The following SENP7 variants were observed in gnomAD, a reference collection of about 807,000 sequenced individuals.
SENP7 encodes sentrin-specific protease 7.
Under a neutral mutation model 141.2 loss-of-function variants are expected in SENP7, and 64 were observed. That is an observed-to-expected ratio of 0.45 (90% CI 0.37 to 0.56). The LOEUF (loss-of-function observed/expected upper bound fraction) is 0.56, where lower values mean the gene tolerates loss of function less well. Ranked by LOEUF, SENP7 falls within the 20% of genes least tolerant of loss-of-function variation. The pLI is 0.00. For synonymous variants in SENP7, 382 were observed against 426.4 expected (o/e 0.90, Z 1.28); for missense variants, 1,025 against 1,212.2 (o/e 0.85, Z 2.29).
chr3:101,498,322 C>T (rs950255370), intron 2 of SENP7, among the ~76,000 whole-genome samples: 2 of 152,120 alleles, frequency 1.3e-5, no homozygotes, highest in Non-Finnish European at 2.9e-5. Flanking sequence ...AGGAAACAGG[C>T]AGATCCCATC....
chr3:101,328,618 CTG>C (rs921214364), intron 21 of SENP7, 26 bp downstream of exon 21: 3 of 1,604,560 alleles, frequency 1.9e-6, no homozygotes, highest in Admixed American at 1.7e-5. Flanking sequence ...CCTCAAAAAA[CTG>C]TATTATTATT....
intron 6 of SENP7, among the ~76,000 whole-genome samples, chr3:101,397,860 T>TACA (rs2061014430): frequency 6.6e-6 from 1 of 152,196 alleles, no homozygotes; most frequent in Admixed American, 6.5e-5. Flanking sequence ...CTTCAGAAGC[T>TACA]TGTAGCAAAT....
chr3:101,499,471 C>T (rs1444899688), intron 2 of SENP7, among the ~76,000 whole-genome samples: 3 of 151,860 alleles, frequency 2.0e-5, no homozygotes, highest in Non-Finnish European at 4.4e-5. Context: ...CGGGTTCAAG[C>T]GATTTTCCTG....
chr3:101,337,651 C>A lies in SENP7; in HGVS notation c.2358-20G>T. Reference sequence around the variant, plus strand: ...AGATACCTGTAAAGTAGTAACCCCACAAAAGTAAATTATTTTTAGATTTTA... The same window carrying A: ...AGATACCTGTAAAGTAGTAACCCCAAAAAAGTAAATTATTTTTAGATTTTA... On this transcript the variant is annotated intron_variant, in intron 16 of 23. Coordinates refer to ENST00000394095, the MANE Select transcript of SENP7 (RefSeq NM_020654.5). The A allele has an allele frequency of 6.6e-7, 1 of 1,509,608 alleles. No homozygotes were observed. Among genetic ancestry groups the A allele is most frequent in the Admixed American group, 2.3e-5 (1 of 43,014 alleles). The allele number at this position is 1,509,608 out of a possible 1,614,324, so 93.5% of individuals were successfully genotyped here.
intron 10 of SENP7, among the ~76,000 whole-genome samples, chr3:101,362,386 G>T (rs576969034): frequency 6.6e-6 from 1 of 152,140 alleles, no homozygotes; most frequent in Non-Finnish European, 1.5e-5. Context: ...TCAAATGCAC[G>T]TTTCTCTCTC....
At chr3:101,446,279 T>C (rs1258724048) in intron 4 of SENP7, among the ~76,000 whole-genome samples, 3 of 152,166 alleles carry the variant, frequency 2.0e-5, no homozygotes, top group Non-Finnish European at 4.4e-5. Context: ...CAATTAAACC[T>C]CCTTTCTTTA....
intron 17 of SENP7, among the ~76,000 whole-genome samples, chr3:101,335,020 G>C (rs886490494): frequency 3.9e-5 from 6 of 152,132 alleles, no homozygotes; most frequent in African/African-American, 1.4e-4. Flanking sequence ...TGGAAAATAA[G>C]ACAGATAAAG....
chr3:101,357,762 A>ATCT, intron 11 of SENP7: 1 of 633,224 alleles, frequency 1.6e-6, no homozygotes, highest in Middle Eastern at 2.7e-4. Flanking sequence ...AAAAACTTTT[A>ATCT]AATGTAAAGA....
intron 6 of SENP7, among the ~76,000 whole-genome samples, chr3:101,396,481 T>C (rs989767574): frequency 1.3e-5 from 2 of 152,060 alleles, no homozygotes; most frequent in African/African-American, 2.4e-5. Flanking sequence ...GACTTAAAGC[T>C]CAATCATCAC....
intron 3 of SENP7, among the ~76,000 whole-genome samples, chr3:101,473,719 G>A (rs572382154): frequency 5.3e-5 from 8 of 152,294 alleles, no homozygotes; most frequent in African/African-American, 1.9e-4. Flanking sequence ...CTTTTGGTGT[G>A]CAGAAGCTCT....
intron 4 of SENP7, among the ~76,000 whole-genome samples, chr3:101,428,256 C>A (rs890483155): frequency 3.3e-5 from 5 of 152,250 alleles, no homozygotes; most frequent in African/African-American, 1.2e-4. Context: ...GTTTTACATC[C>A]TTGAGGAGTC....
At chr3:101,423,418 G>A (rs2061849240) in intron 4 of SENP7, among the ~76,000 whole-genome samples, 1 of 152,178 alleles carries the variant, frequency 6.6e-6, no homozygotes, top group Non-Finnish European at 1.5e-5. Context: ...TGGCAGGGGT[G>A]TGGAGAAAAT....
intron 19 of SENP7, among the ~76,000 whole-genome samples, chr3:101,331,028 G>C (rs944228701): frequency 2.0e-5 from 3 of 152,154 alleles, no homozygotes; most frequent in Non-Finnish European, 4.4e-5. Context: ...GAGTCTACAG[G>C]AAATTAGATT....
chr3:101,496,041 G>T (rs1159675853), intron 2 of SENP7, among the ~76,000 whole-genome samples: 1 of 152,034 alleles, frequency 6.6e-6, no homozygotes, highest in Non-Finnish European at 1.5e-5. Context: ...ATGATATATA[G>T]GTAAGTAGGA....
At position 101,482,044 on chromosome 3, in the gene SENP7, C is replaced by T. The variant is rs1044268264; in HGVS notation, c.186+11829G>A. 7.9e-5 allele frequency among the ~76,000 whole-genome samples: 12 copies of T among 152,222 alleles called. No individual in the cohort carries two copies. In the East Asian group the frequency reaches 2.3e-3, roughly 29 times the overall value. On this transcript the variant is annotated intron_variant, in intron 3 of 23. Coordinates refer to ENST00000394095, the MANE Select transcript of SENP7 (RefSeq NM_020654.5). ...TGAAATACTTGGCCAGGCGCAGTGG[C>T]TCATGTCTGTAATCCCAGCACTTTG...
intron 4 of SENP7, among the ~76,000 whole-genome samples, chr3:101,451,497 A>G (rs2063133402): frequency 6.6e-6 from 1 of 152,250 alleles, no homozygotes; most frequent in Non-Finnish European, 1.5e-5. Flanking sequence ...CCAGCAGCAC[A>G]TCAAGAAGCT....
chr3:101,409,428 AG>A (rs1273331310), intron 5 of SENP7, among the ~76,000 whole-genome samples: 1 of 152,226 alleles, frequency 6.6e-6, no homozygotes, highest in East Asian at 1.9e-4. Context: ...TCACAGAATT[AG>A]AAAAAACAAT....
intron 17 of SENP7, among the ~76,000 whole-genome samples, chr3:101,334,513 A>T (rs1016165631): frequency 6.6e-6 from 1 of 152,158 alleles, no homozygotes; most frequent in Non-Finnish European, 1.5e-5. Context: ...AATAATATCT[A>T]GCCAAAACTC....
At position 101,502,110 on chromosome 3, in the gene SENP7, T is replaced by C. The variant is rs572754028; in HGVS notation, c.41-991A>G. Among the ~76,000 whole-genome samples the C allele has an allele frequency of 3.9e-5, 6 of 152,324 alleles. No individual in the cohort carries two copies. The South Asian group carries it at 1.2e-3, about 32-fold the overall frequency. On this transcript the variant is annotated intron_variant, in intron 1 of 23. Transcript: ENST00000394095. ...GGACACAAGTAGTCCTAACCACAAA[T>C]GAAAACGTTAATAAACTGTACTTCA...
Sources: gnomAD v4.1 joint callset for allele counts (sites outside exome capture counted in the v4.1 genomes callset) on GRCh38, gnomAD v4.1.1 for gene constraint, MANE v1.5 for transcripts, NCBI Gene and HGNC (gene_info 2026-07-23, HGNC 2026-07-21) for gene names.